ASTN2: variants seen among roughly 807,000 people sequenced by gnomAD.
ASTN2 encodes astrotactin-2.
Under a neutral mutation model 139.8 loss-of-function variants are expected in ASTN2, and 54 were observed. The observed-to-expected ratio is 0.39, with a 90% CI of 0.31 to 0.48. ASTN2 has a LOEUF of 0.48. Ranked by LOEUF, ASTN2 falls within the 20% of genes least tolerant of loss-of-function variation. The probability of loss-of-function intolerance (pLI) is 0.95; values close to 1 mark genes in which losing one functional copy is unlikely to be tolerated. For missense variants in ASTN2, 1,565 were observed against 1,725.1 expected (o/e 0.91, Z 1.64); for synonymous variants, 756 against 719.5 (o/e 1.05, Z -0.81).
At chr9:117,363,792 C>T (rs951936326) in intron 1 of ASTN2, among the ~76,000 whole-genome samples, 3 of 152,164 alleles carry the variant, frequency 2.0e-5, no homozygotes, top group South Asian at 2.1e-4. Flanking sequence ...TGAACCTTGG[C>T]ATTAAAGACC....
chr9:116,509,457 C>T (rs992075621), intron 19 of ASTN2, among the ~76,000 whole-genome samples: 11 of 152,114 alleles, frequency 7.2e-5, no homozygotes, highest in South Asian at 2.1e-4. Flanking sequence ...AGAATAGTGC[C>T]GCAATAAACA....
intron 2 of ASTN2, among the ~76,000 whole-genome samples, chr9:117,286,589 G>C (rs1390863878): frequency 6.6e-6 from 1 of 152,136 alleles, no homozygotes; most frequent in Non-Finnish European, 1.5e-5. Flanking sequence ...CTGGCAAATA[G>C]TTAGGGGCCC....
intron 1 of ASTN2, among the ~76,000 whole-genome samples, chr9:117,378,931 G>A (rs1280590048): frequency 6.6e-6 from 1 of 152,094 alleles, no homozygotes; most frequent in Non-Finnish European, 1.5e-5. Flanking sequence ...GGGATAGCGA[G>A]TTCTTACAAG....
intron 19 of ASTN2, among the ~76,000 whole-genome samples, chr9:116,515,653 T>C (rs951183287): frequency 2.0e-5 from 3 of 152,188 alleles, no homozygotes; most frequent in African/African-American, 7.2e-5. Context: ...TCTTGTCTTT[T>C]AAATGCATTT....
chr9:116,966,705 TAA>T (rs199969584), intron 10 of ASTN2, among the ~76,000 whole-genome samples: 13 of 142,554 alleles, frequency 9.1e-5, no homozygotes, highest in Middle Eastern at 3.6e-3. Context: ...TCATTTTCTT[TAA>T]AAAAAAAAAA....
At chr9:116,474,219 C>T (rs1383048443) in intron 20 of ASTN2, among the ~76,000 whole-genome samples, 5 of 152,184 alleles carry the variant, frequency 3.3e-5, no homozygotes, top group African/African-American at 1.2e-4. Flanking sequence ...TACCAGAGAG[C>T]AGCAGGTAGG....
intron 1 of ASTN2, among the ~76,000 whole-genome samples, chr9:117,298,661 T>TCC: frequency 1.9e-5 from 1 of 51,580 alleles, no homozygotes; most frequent in African/African-American, 5.7e-5. Context: ...TGTGTGTATA[T>TCC]ATATATGTGT....
chr9:116,466,161 T>C (rs1436544150), intron 20 of ASTN2, among the ~76,000 whole-genome samples: 1 of 152,170 alleles, frequency 6.6e-6, no homozygotes, highest in Non-Finnish European at 1.5e-5. Flanking sequence ...CAAGGACGCA[T>C]AGTGGAAGAG....
In ASTN2 at chr9:116,494,514, AAAG is replaced by A. The variant is rs138048409; in HGVS notation, c.3356-7017_3356-7015del. ...CTAAAACCTTCCTGTTTTTTTGCAA[AAAG>A]AAGACATTTTGAATGGAAGGAAGGA... On this transcript the variant is annotated intron_variant, in intron 19 of 22. Transcript: ENST00000313400. Among the ~76,000 whole-genome samples, 1,155 of 152,192 alleles carry A rather than the reference AAAG, an allele frequency of 7.6e-3. 18 individuals are homozygous for A. The highest frequency in any genetic ancestry group is 0.026 in the African/African-American group (1,073 of 41,534).
intron 13 of ASTN2, among the ~76,000 whole-genome samples, chr9:116,776,429 C>T (rs1830090334): frequency 6.6e-6 from 1 of 152,156 alleles, no homozygotes; most frequent in Non-Finnish European, 1.5e-5. Flanking sequence ...TGATGGGTTA[C>T]CTGCCTGCAG....
intron 20 of ASTN2, among the ~76,000 whole-genome samples, chr9:116,485,295 C>T (rs544056837): frequency 9.2e-5 from 14 of 152,214 alleles, no homozygotes; most frequent in Admixed American, 2.6e-4. Context: ...GCTCACTCAG[C>T]ATCACAGAGC....
At chr9:117,343,044 C>T (rs1829108759) in intron 1 of ASTN2, among the ~76,000 whole-genome samples, 1 of 152,224 alleles carries the variant, frequency 6.6e-6, no homozygotes, top group African/African-American at 2.4e-5. Flanking sequence ...GCATCTCACA[C>T]TCACTTCAGA....
chr9:117,114,428 A>G lies in ASTN2; in HGVS notation c.1169-18277T>C, dbSNP rs1044885442. On this transcript the variant is annotated intron_variant, in intron 4 of 22. Transcript: ENST00000313400. Reference sequence around the variant, plus strand: ...CAGAAATTGTGTTTTTAGCATAACAATTCTTCCTGCAGCTGTCTGGAGAAC... The same window carrying G: ...CAGAAATTGTGTTTTTAGCATAACAGTTCTTCCTGCAGCTGTCTGGAGAAC... 1.3e-4 allele frequency among the ~76,000 whole-genome samples: 20 copies of G among 152,202 alleles called. 1 individual carries two copies. The highest frequency in any genetic ancestry group is 1.9e-4 in the East Asian group (1 of 5,194).
At chr9:117,051,077 T>C (rs1838899981) in intron 5 of ASTN2, among the ~76,000 whole-genome samples, 1 of 152,158 alleles carries the variant, frequency 6.6e-6, no homozygotes, top group African/African-American at 2.4e-5. Flanking sequence ...ATATTTTCTG[T>C]TCTAATTTGA....
chr9:116,796,428 G>C (rs1417448323), intron 13 of ASTN2, among the ~76,000 whole-genome samples: 1 of 152,162 alleles, frequency 6.6e-6, no homozygotes, highest in Non-Finnish European at 1.5e-5. Flanking sequence ...AGGTGAATAG[G>C]AAAAGCTTCC....
At chr9:116,446,727 G>C (rs1848011020) in intron 20 of ASTN2, among the ~76,000 whole-genome samples, 1 of 152,144 alleles carries the variant, frequency 6.6e-6, no homozygotes, top group Non-Finnish European at 1.5e-5. Flanking sequence ...CTTATTTCAG[G>C]GGAAGGAACA....
At chr9:116,991,932 A>C (rs1836868388) in intron 7 of ASTN2, among the ~76,000 whole-genome samples, 2 of 152,228 alleles carry the variant, frequency 1.3e-5, no homozygotes, top group Non-Finnish European at 2.9e-5. Context: ...CAAAGACATT[A>C]ATGAAGCTTA....
chr9:117,046,144 G>A (rs866130995), intron 5 of ASTN2, among the ~76,000 whole-genome samples: 38 of 152,146 alleles, frequency 2.5e-4, no homozygotes, highest in Middle Eastern at 3.4e-3. Context: ...GGGACTATAG[G>A]CAAACGCCAC....
At chr9:117,102,883 C>CT (rs75242798) in intron 4 of ASTN2, among the ~76,000 whole-genome samples, 33,829 of 147,672 alleles carry the variant, frequency 0.23, 4,449 homozygotes, top group East Asian at 0.39. Flanking sequence ...AAGAAACCAA[C>CT]TTTTTTTTTT....
Sources: gnomAD v4.1 joint callset for allele counts (sites outside exome capture counted in the v4.1 genomes callset) on GRCh38, gnomAD v4.1.1 for gene constraint, MANE v1.5 for transcripts, NCBI Gene and HGNC (gene_info 2026-07-23, HGNC 2026-07-21) for gene names.